Variants in MMEL1 observed in about 807,000 individuals in gnomAD.
MMEL1 encodes the protein membrane metalloendopeptidase like 1, also known as membrane metallo-endopeptidase-like 1.
In MMEL1, 98 loss-of-function variants were observed where a neutral mutation model predicts 117.1. That is an observed-to-expected ratio of 0.84 (90% CI 0.71 to 0.99). The LOEUF is 0.99. Ranked by LOEUF, MMEL1 falls within the 50% of genes least tolerant of loss-of-function variation. The probability of loss-of-function intolerance (pLI) is 0.00; values close to 1 mark genes in which losing one functional copy is unlikely to be tolerated. For missense variants in MMEL1, 1,014 were observed against 1,049.1 expected (o/e 0.97, Z 0.46); for synonymous variants, 390 against 415.1 (o/e 0.94, Z 0.74).
At chr1:2,632,592 T>C in intron 1 of MMEL1, 1 of 183,494 alleles carries the variant, frequency 5.4e-6, no homozygotes, top group Middle Eastern at 5.7e-4. Context: ...GTGGAGTGTC[T>C]GCTGAGGCGA....
chr1:2,619,932 A>T (rs920350801), intron 2 of MMEL1, among the ~76,000 whole-genome samples: 1 of 152,210 alleles, frequency 6.6e-6, no homozygotes, highest in Non-Finnish European at 1.5e-5. Context: ...CATGGAGGAC[A>T]GTGGGAAAAA....
chr1:2,595,285 C>G lies in MMEL1; in HGVS notation c.1575G>C (p.Glu525Asp), dbSNP rs778776115. Residue 525 changes from glutamate to aspartate, a missense_variant, in exon 16 of 24, where the codon GAG becomes GAC. Glu to Asp is a conservative substitution (Grantham distance 45). Coordinates refer to ENST00000378412, the MANE Select transcript of MMEL1 (RefSeq NM_033467.4). This position sits in a 1 kb window ranked among gnomAD's most constrained non-coding sequence, Gnocchi z 4.8. Reference sequence around the variant, plus strand: ...GGGGTTGGGGGCGCACATTGGAGTACTCCTCGTCCAGGCGCCTGTTCATCT... The same window carrying G: ...GGGGTTGGGGGCGCACATTGGAGTAGTCCTCGTCCAGGCGCCTGTTCATCT... ...LEEMNRRLDE[E>D]YSNLNFSEDL... 1 of 1,613,536 alleles carries G rather than the reference C, an allele frequency of 6.2e-7. No individual in the cohort carries two copies. The highest frequency in any genetic ancestry group is 8.5e-7 in the Non-Finnish European group (1 of 1,179,930).
At chr1:2,604,653 G>A (rs938271749) in intron 9 of MMEL1, among the ~76,000 whole-genome samples, 7 of 152,032 alleles carry the variant, frequency 4.6e-5, no homozygotes, top group Non-Finnish European at 7.4e-5. Flanking sequence ...GGGTGCCGGG[G>A]TGGTGGGTGC....
chr1:2,610,202 G>T (rs1289016931), intron 4 of MMEL1, among the ~76,000 whole-genome samples: 1 of 151,998 alleles, frequency 6.6e-6, no homozygotes, highest in Non-Finnish European at 1.5e-5. Context: ...CTCCTCTCCC[G>T]AATGCCTTTT....
At chr1:2,591,355 C>T (rs901719103) in intron 23 of MMEL1, 2 of 603,256 alleles carry the variant, frequency 3.3e-6, no homozygotes, top group Admixed American at 2.9e-5. Context: ...GCGGTAGGCT[C>T]CCCCTTCCTA....
intron 14 of MMEL1, 41 bp downstream of exon 14, chr1:2,596,520 G>A (rs746369278): frequency 6.3e-7 from 1 of 1,594,882 alleles, no homozygotes; most frequent in East Asian, 2.2e-5. Context: ...TGTCCCTGTG[G>A]AAGGCTGGCC....
chr1:2,632,772 C>A (rs760952658), intron 1 of MMEL1, 94 bp downstream of exon 1: 2 of 779,894 alleles, frequency 2.6e-6, no homozygotes, highest in African/African-American at 1.9e-5. Context: ...AGGGGCTGAG[C>A]GCCTGGAGAG....
chr1:2,630,591 G>A (rs1252732070), intron 1 of MMEL1, among the ~76,000 whole-genome samples: 1 of 151,492 alleles, frequency 6.6e-6, no homozygotes, highest in Non-Finnish European at 1.5e-5. Context: ...GTGCACGTGT[G>A]TGTCCTCGTG....
chr1:2,624,370 CAGT>C (rs1645337408), intron 2 of MMEL1, among the ~76,000 whole-genome samples: 1 of 152,172 alleles, frequency 6.6e-6, no homozygotes, highest in Non-Finnish European at 1.5e-5. Flanking sequence ...GTAACAACAG[CAGT>C]AGAACCCCCA....
intron 23 of MMEL1, 124 bp from the exon 24 acceptor site, chr1:2,591,213 G>T: frequency 1.5e-6 from 1 of 657,714 alleles, no homozygotes; most frequent in Non-Finnish European, 2.5e-6. Context: ...AGTATGAGCA[G>T]AAACATTTCA....
At chr1:2,616,342 CAAA>C (rs60641053) in intron 2 of MMEL1, among the ~76,000 whole-genome samples, 8 of 89,272 alleles carry the variant, frequency 9.0e-5, no homozygotes, top group Non-Finnish European at 1.3e-4. Flanking sequence ...GACCCTAGCT[CAAA>C]AAAAAAAAAA....
intron 18 of MMEL1, 111 bp downstream of exon 18, chr1:2,594,274 A>G (rs1252193489): frequency 8.3e-7 from 1 of 1,200,154 alleles, no homozygotes; most frequent in Non-Finnish European, 1.2e-6. Context: ...AGAATGTTCC[A>G]AGAACAGGCT....
intron 2 of MMEL1, among the ~76,000 whole-genome samples, chr1:2,625,145 T>C (rs1415144675): frequency 6.6e-6 from 1 of 152,142 alleles, no homozygotes; most frequent in Non-Finnish European, 1.5e-5. Flanking sequence ...CCCCAGCCCC[T>C]CCCAAATCTC....
chr1:2,613,869 AAAAAC>A (rs1184278966), intron 2 of MMEL1, among the ~76,000 whole-genome samples: 1 of 152,082 alleles, frequency 6.6e-6, no homozygotes, highest in Non-Finnish European at 1.5e-5. Flanking sequence ...AACAAAAACA[AAAAAC>A]AAAAAACAAA....
At chr1:2,596,861 G>A (rs1421366323) in intron 13 of MMEL1, among the ~76,000 whole-genome samples, 172 bp from the exon 14 acceptor site, 2 of 152,080 alleles carry the variant, frequency 1.3e-5, no homozygotes, top group African/African-American at 2.4e-5. Context: ...CTGCTGCGGC[G>A]GGGGGAAGGA....
chr1:2,616,713 C>T (rs998533754), intron 2 of MMEL1, among the ~76,000 whole-genome samples: 6 of 152,164 alleles, frequency 3.9e-5, no homozygotes, highest in African/African-American at 1.2e-4. Flanking sequence ...CAAAGTGTGA[C>T]GGGAGACCTG....
At position 2,596,564 on chromosome 1, in the gene MMEL1, G is replaced by T. The variant is rs751827091; in HGVS notation, c.1398C>A (p.Ser466Arg). The T allele has an allele frequency of 1.2e-6, 2 of 1,609,716 alleles. No individual in the cohort carries two copies. The highest frequency in any genetic ancestry group is 2.2e-5 in the East Asian group (1 of 44,880). ...GCCATGGATGAGGGGCGCCCACCAT[G>T]CTCTTGCTGTCTCCAGGGAACGCCT... ...VREAFPGDSK[S>R]MVRELIDKVR... Residue 466 changes from serine (S) to arginine (R), a missense_variant, in exon 14 of 24, where the codon AGC (serine) becomes AGA (arginine). Physicochemically the swap from Ser to Arg is moderately radical, Grantham distance 110 (BLOSUM62 -1). Coordinates refer to ENST00000378412, the MANE Select transcript of MMEL1 (RefSeq NM_033467.4).
chr1:2,609,492 C>G, intron 5 of MMEL1, 73 bp from the exon 6 acceptor site: 1 of 1,544,124 alleles, frequency 6.5e-7, no homozygotes, highest in Admixed American at 1.9e-5. Flanking sequence ...CCCTACACCC[C>G]CTGAAGTGCT....
chr1:2,607,213 G>T, intron 6 of MMEL1, 144 bp from the exon 7 acceptor site: 1 of 672,146 alleles, frequency 1.5e-6, no homozygotes, highest in Non-Finnish European at 2.6e-6. Context: ...CCAGCCTCTG[G>T]GCCTTTACAC....
Sources: allele counts gnomAD v4.1 joint callset (sites outside exome capture counted in the v4.1 genomes callset), GRCh38; gene constraint gnomAD v4.1.1; non-coding constraint Gnocchi (gnomAD v3.1); transcripts MANE v1.5; gene names NCBI Gene and HGNC (gene_info 2026-07-23, HGNC 2026-07-21).